UAP1: variants seen among roughly 807,000 people sequenced by gnomAD.
UAP1 encodes UDP-N-acetylglucosamine pyrophosphorylase 1, also known as UDP-N-acetylhexosamine pyrophosphorylase.
Under a neutral mutation model 58.5 loss-of-function variants are expected in UAP1, and 25 were observed. The ratio of observed to expected loss-of-function variants is 0.43; its 90% CI spans 0.31 to 0.60. The LOEUF is 0.60. Ranked by LOEUF, UAP1 falls within the 20% of genes least tolerant of loss-of-function variation. The pLI, the probability that UAP1 is intolerant of heterozygous loss-of-function variation, is 0.11. For missense variants in UAP1, 575 were observed against 630.0 expected (o/e 0.91, Z 0.93); for synonymous variants, 208 against 213.0 (o/e 0.98, Z 0.21).
intron 4 of UAP1, 110 bp downstream of exon 4, chr1:162,579,713 A>T (rs1052557715): frequency 9.9e-7 from 1 of 1,007,172 alleles, no homozygotes; most frequent in African/African-American, 1.6e-5. Flanking sequence ...ATTAATATAT[A>T]TGTGTTTTTT....
At chr1:162,570,813 T>C (rs569860055) in intron 2 of UAP1, among the ~76,000 whole-genome samples, 1 of 152,312 alleles carries the variant, frequency 6.6e-6, no homozygotes, top group East Asian at 1.9e-4. Flanking sequence ...TTTACCCAAC[T>C]CCACTCATCC....
At chr1:162,574,574 T>C (rs975265156) in intron 2 of UAP1, among the ~76,000 whole-genome samples, 1 of 152,232 alleles carries the variant, frequency 6.6e-6, no homozygotes, top group African/African-American at 2.4e-5. Context: ...TTGTGGCCAG[T>C]GGCCAGGTTT....
chr1:162,569,256 C>T (rs1245594163), intron 2 of UAP1, among the ~76,000 whole-genome samples: 2 of 152,146 alleles, frequency 1.3e-5, no homozygotes, highest in Non-Finnish European at 2.9e-5. Context: ...GTTTTTACTT[C>T]CCCACACCCC....
At chr1:162,592,891 T>C (rs1278054387) in intron 9 of UAP1, 109 bp downstream of exon 9, 3 of 994,144 alleles carry the variant, frequency 3.0e-6, no homozygotes, top group Non-Finnish European at 4.6e-6. Context: ...GGAGGGAGGA[T>C]GGTTGAAACT....
chr1:162,581,372 C>G (rs144426173), exon 5 of UAP1: 9 of 1,613,974 alleles, frequency 5.6e-6, no homozygotes, highest in Non-Finnish European at 7.6e-6. Context: ...GCATTCATGT[C>G]TATTGTGTTG....
Position 162,583,397 on chromosome 1 carries a change from C to G in UAP1, c.834+1938C>G, listed in dbSNP as rs2101798030. Among the ~76,000 whole-genome samples, 2 of 152,142 alleles carry G rather than the reference C, an allele frequency of 1.3e-5. 1 individual carries two copies. Among genetic ancestry groups the G allele is most frequent in the Middle Eastern group, 6.8e-3 (2 of 294 alleles). On this transcript the variant is annotated intron_variant, in intron 5 of 10. Transcript: ENST00000271469. ...CTCGAACGCCTGACCTCATGATCCA[C>G]ACACCTCAGCCTCCCAAAGTGCTGG...
intron 2 of UAP1, among the ~76,000 whole-genome samples, chr1:162,575,536 A>G (rs1009052564): frequency 2.0e-5 from 3 of 150,360 alleles, no homozygotes; most frequent in Non-Finnish European, 3.0e-5. Flanking sequence ...GGTTCAAGCA[A>G]TTCTCATGCC....
chr1:162,590,575 T>C, intron 8 of UAP1, 64 bp downstream of exon 8: 1 of 1,273,780 alleles, frequency 7.9e-7, no homozygotes, highest in Admixed American at 2.5e-5. Flanking sequence ...TGGACTTCTC[T>C]CTCTCTCTCT....
At chr1:162,583,668 T>G (rs1374939271) in intron 5 of UAP1, among the ~76,000 whole-genome samples, 1 of 151,956 alleles carries the variant, frequency 6.6e-6, no homozygotes, top group Non-Finnish European at 1.5e-5. Context: ...CTGGCTCTGT[T>G]GCCTAGGCTG....
At chr1:162,589,164 A>AT (rs1335524710) in intron 7 of UAP1, among the ~76,000 whole-genome samples, 111 of 100,740 alleles carry the variant, frequency 1.1e-3, no homozygotes, top group African/African-American at 4.4e-3. Flanking sequence ...TATTATATAT[A>AT]ATATATAAAT....
intron 7 of UAP1, among the ~76,000 whole-genome samples, chr1:162,589,136 A>G (rs1655105497): frequency 9.5e-6 from 1 of 104,840 alleles, no homozygotes; most frequent in Non-Finnish European, 1.8e-5. Context: ...TATATAATTT[A>G]TATATTTATA....
At chr1:162,587,508 G>A in exon 6 of UAP1, 1 of 1,613,910 alleles carries the variant, frequency 6.2e-7, no homozygotes, top group Non-Finnish European at 8.5e-7. Context: ...AGAACCAGTT[G>A]GAGTGGTTTG....
chr1:162,582,905 T>C (rs1238609779), intron 5 of UAP1, among the ~76,000 whole-genome samples: 1 of 152,154 alleles, frequency 6.6e-6, no homozygotes, highest in Non-Finnish European at 1.5e-5. Flanking sequence ...TCCTCTGGAC[T>C]CTGAAAATAA....
intron 2 of UAP1, among the ~76,000 whole-genome samples, chr1:162,568,558 G>A (rs1653671087): frequency 6.6e-6 from 1 of 152,212 alleles, no homozygotes; most frequent in Non-Finnish European, 1.5e-5. Context: ...ATGCTTGGTA[G>A]TAGCTAACCT....
chr1:162,587,761 C>A, intron 6 of UAP1, 93 bp downstream of exon 6: 2 of 1,208,180 alleles, frequency 1.7e-6, no homozygotes, highest in South Asian at 1.6e-5. Flanking sequence ...AAGTCCATAT[C>A]CCACAGAATT....
intron 1 of UAP1, among the ~76,000 whole-genome samples, chr1:162,565,159 A>C (rs1025477337): frequency 1.3e-5 from 2 of 151,970 alleles, no homozygotes; most frequent in African/African-American, 2.4e-5. Flanking sequence ...AATCTTATCT[A>C]TGTAGTCTGC....
rs545197246 is a variant in UAP1, at chr1:162,566,823, C to T, written c.280+475C>T. Among the ~76,000 whole-genome samples, 14 of 152,194 alleles carry T rather than the reference C, an allele frequency of 9.2e-5. No homozygotes were observed. In the East Asian group the frequency reaches 2.3e-3, roughly 25 times the overall value. On this transcript the variant is annotated intron_variant, in intron 2 of 10. Transcript: ENST00000271469. Reference sequence around the variant, plus strand: ...TGTATTTTTAGTATAGATAGGGTTTCGCCATGTTGGCCAGCATGGTCTTGA... The same window carrying T: ...TGTATTTTTAGTATAGATAGGGTTTTGCCATGTTGGCCAGCATGGTCTTGA...
At chr1:162,596,982 G>A (rs1342850240) in intron 9 of UAP1, among the ~76,000 whole-genome samples, 3 of 152,144 alleles carry the variant, frequency 2.0e-5, no homozygotes, top group Non-Finnish European at 4.4e-5. Flanking sequence ...AAACAAATAG[G>A]GACTTTGACC....
chr1:162,592,752 C>T, exon 9 of UAP1: 4 of 1,550,340 alleles, frequency 2.6e-6, no homozygotes, highest in Non-Finnish European at 3.5e-6. Flanking sequence ...AATGGGAAGT[C>T]AGAGACCATC....
Sources: allele counts gnomAD v4.1 joint callset (sites outside exome capture counted in the v4.1 genomes callset), GRCh38; gene constraint gnomAD v4.1.1; transcripts MANE v1.5; gene names NCBI Gene and HGNC (gene_info 2026-07-23, HGNC 2026-07-21).